EXT1: variants seen among roughly 807,000 people sequenced by gnomAD.
EXT1 encodes the protein exostosin-1.
Under a neutral mutation model 82.5 loss-of-function variants are expected in EXT1, and 20 were observed. That is an observed-to-expected ratio of 0.24 (90% CI 0.17 to 0.35). The LOEUF is 0.35. Ranked by LOEUF, EXT1 falls within the 10% of genes least tolerant of loss-of-function variation. The pLI, the probability that EXT1 is intolerant of heterozygous loss-of-function variation, is 1.00. For synonymous variants in EXT1, 348 were observed against 350.8 expected (o/e 0.99, Z 0.09); for missense variants, 757 against 936.5 (o/e 0.81, Z 2.50).
intron 1 of EXT1, among the ~76,000 whole-genome samples, chr8:117,915,101 G>A (rs1813722158): frequency 1.3e-5 from 2 of 152,140 alleles, no homozygotes; most frequent in Admixed American, 6.5e-5. Context: ...CAGCCCAGCT[G>A]TAAAATTCCT....
chr8:117,842,632 G>A (rs1207660855), intron 1 of EXT1, among the ~76,000 whole-genome samples: 1 of 152,178 alleles, frequency 6.6e-6, no homozygotes, highest in Admixed American at 6.5e-5. Flanking sequence ...AAAACCCCTA[G>A]TAACAATTAA....
intron 1 of EXT1, among the ~76,000 whole-genome samples, chr8:118,045,863 T>G (rs1471796101): frequency 6.6e-6 from 1 of 151,972 alleles, no homozygotes; most frequent in Non-Finnish European, 1.5e-5. Context: ...TGGCATGATC[T>G]CAGCTCACTG....
intron 1 of EXT1, among the ~76,000 whole-genome samples, chr8:117,984,037 T>C (rs1405060029): frequency 6.6e-6 from 1 of 152,218 alleles, no homozygotes; most frequent in Non-Finnish European, 1.5e-5. Context: ...GCTAGATAGA[T>C]TAACAAGACA....
intron 1 of EXT1, among the ~76,000 whole-genome samples, chr8:117,851,642 CACACACA>C (rs1563579714): frequency 5.3e-5 from 8 of 151,850 alleles, no homozygotes; most frequent in African/African-American, 1.7e-4. Flanking sequence ...CACACACACA[CACACACA>C]CCATTATTTA....
chr8:117,944,124 G>A (rs1380060379), intron 1 of EXT1, among the ~76,000 whole-genome samples: 1 of 152,172 alleles, frequency 6.6e-6, no homozygotes, highest in East Asian at 1.9e-4. Context: ...GAATCTGGCA[G>A]GGCATGGTAG....
intron 1 of EXT1, among the ~76,000 whole-genome samples, chr8:117,951,527 T>C (rs1197399305): frequency 6.6e-6 from 1 of 152,236 alleles, no homozygotes; most frequent in African/African-American, 2.4e-5. Flanking sequence ...GAATGAGTCA[T>C]GGCTCTGCCT....
chr8:117,998,248 G>A lies in EXT1; in HGVS notation c.962+111837C>T, dbSNP rs150776272. On this transcript the variant is annotated intron_variant, in intron 1 of 10. Transcript: ENST00000378204. Reference sequence around the variant, plus strand: ...AGGCTGCTCTTGAACTCCTGACCTCGTGATCCACCTGTCTCAGCCTCCCAA... The same window carrying A: ...AGGCTGCTCTTGAACTCCTGACCTCATGATCCACCTGTCTCAGCCTCCCAA... 5.3e-5 allele frequency among the ~76,000 whole-genome samples: 8 copies of A among 151,998 alleles called. 1 individual carries two copies. In the East Asian group the frequency reaches 7.8e-4, roughly 15 times the overall value.
intron 1 of EXT1, among the ~76,000 whole-genome samples, chr8:117,913,401 T>A (rs1436464086): frequency 6.6e-6 from 1 of 152,184 alleles, no homozygotes; most frequent in African/African-American, 2.4e-5. Flanking sequence ...TCAGGGTATC[T>A]CCTTCTGTTT....
chr8:117,870,410 A>T (rs533712328), intron 1 of EXT1, among the ~76,000 whole-genome samples: 27 of 152,294 alleles, frequency 1.8e-4, no homozygotes, highest in Admixed American at 1.0e-3. Context: ...TTTGCTAGGG[A>T]CTTTCCTAGG....
At chr8:118,010,441 C>T (rs892900539) in intron 1 of EXT1, among the ~76,000 whole-genome samples, 4 of 151,500 alleles carry the variant, frequency 2.6e-5, no homozygotes, top group Admixed American at 6.6e-5. Context: ...CTCTATTTCA[C>T]CTCTACCCAA....
chr8:118,013,235 A>T (rs1415850295), intron 1 of EXT1, among the ~76,000 whole-genome samples: 3 of 151,936 alleles, frequency 2.0e-5, no homozygotes, highest in Non-Finnish European at 4.4e-5. Flanking sequence ...GTTGAGACAG[A>T]GTCTCACTCT....
chr8:117,902,249 G>A (rs557787581), intron 1 of EXT1, among the ~76,000 whole-genome samples: 106 of 149,710 alleles, frequency 7.1e-4, no homozygotes, highest in African/African-American at 2.5e-3. Context: ...TGTTTTACAG[G>A]TAACTTAAAA....
intron 1 of EXT1, among the ~76,000 whole-genome samples, chr8:117,937,431 C>G (rs1158961277): frequency 6.6e-6 from 1 of 152,230 alleles, no homozygotes; most frequent in Admixed American, 6.5e-5. Context: ...CACTCCTGCC[C>G]CTGGCCCAGA....
At chr8:117,977,546 G>A (rs1352634575) in intron 1 of EXT1, among the ~76,000 whole-genome samples, 1 of 152,164 alleles carries the variant, frequency 6.6e-6, no homozygotes, top group African/African-American at 2.4e-5. Flanking sequence ...TAAAGATGAT[G>A]TGGGGCTCAC....
At chr8:118,061,936 A>T (rs1284948614) in intron 1 of EXT1, among the ~76,000 whole-genome samples, 2 of 151,890 alleles carry the variant, frequency 1.3e-5, no homozygotes, top group African/African-American at 4.9e-5. Flanking sequence ...TAAAATGACA[A>T]GATGCTTTGA....
At chr8:117,808,203 A>T (rs28357253) in intron 8 of EXT1, among the ~76,000 whole-genome samples, 29,105 of 152,294 alleles carry the variant, frequency 0.19, 3,305 homozygotes, top group Middle Eastern at 0.33. Flanking sequence ...ATGGTAAATC[A>T]AAATAATAAA....
At chr8:117,805,963 A>G (rs1385488686) in intron 9 of EXT1, among the ~76,000 whole-genome samples, 2 of 152,158 alleles carry the variant, frequency 1.3e-5, no homozygotes, top group Non-Finnish European at 2.9e-5. Flanking sequence ...ATTTTCCCTC[A>G]TACTTGTTCC....
rs531664582 is a variant in EXT1, at chr8:118,062,154, T to C, written c.962+47931A>G. On this transcript the variant is annotated intron_variant, in intron 1 of 10. Transcript: ENST00000378204. ...ACGTGTTCCATGACTTCCAGCTTTCTGGTCATTATGGTTTCTGCCTCTCAG... is the reference window on the plus strand; with the variant it reads ...ACGTGTTCCATGACTTCCAGCTTTCCGGTCATTATGGTTTCTGCCTCTCAG... Among the ~76,000 whole-genome samples, 4 of 152,286 alleles carry C rather than the reference T, an allele frequency of 2.6e-5. No individual in the cohort carries two copies. The South Asian group carries it at 8.3e-4, about 32-fold the overall frequency.
intron 1 of EXT1, among the ~76,000 whole-genome samples, chr8:117,897,591 C>T (rs1170632922): frequency 1.1e-4 from 10 of 90,682 alleles, no homozygotes; most frequent in Admixed American, 2.8e-4. Flanking sequence ...CTTCTTTTCT[C>T]TTTTTTTTTT....
Sources: allele counts gnomAD v4.1 joint callset (sites outside exome capture counted in the v4.1 genomes callset), GRCh38; gene constraint gnomAD v4.1.1; transcripts MANE v1.5; gene names NCBI Gene and HGNC (gene_info 2026-07-23, HGNC 2026-07-21).